The following THADA variants were observed in gnomAD, a reference collection of about 807,000 sequenced individuals.
THADA encodes the protein tRNA (32-2'-O)-methyltransferase regulator THADA.
Under a neutral mutation model 219.8 loss-of-function variants are expected in THADA, and 213 were observed. The ratio of observed to expected loss-of-function variants is 0.97; its 90% CI spans 0.87 to 1.09. The LOEUF is 1.09. THADA is among the 50% of genes least tolerant of loss of function. The pLI, the probability that THADA is intolerant of heterozygous loss-of-function variation, is 0.00. For missense variants in THADA, 2,956 were observed against 2,311.3 expected (o/e 1.28, Z -5.72); for synonymous variants, 1,018 against 828.9 (o/e 1.23, Z -3.92).
chr2:43,322,671 A>ATACTTT (rs1558578381), intron 30 of THADA, among the ~76,000 whole-genome samples: 1 of 79,884 alleles, frequency 1.3e-5, no homozygotes, highest in African/African-American at 4.9e-5. Flanking sequence ...AGCACATTCT[A>ATACTTT]TTCTTTTTTT....
At chr2:43,355,790 A>G (rs1197430561) in intron 29 of THADA, among the ~76,000 whole-genome samples, 3 of 152,230 alleles carry the variant, frequency 2.0e-5, no homozygotes, top group Non-Finnish European at 4.4e-5. Flanking sequence ...TAATGCAATA[A>G]AGGAGAAGGG....
At chr2:43,505,577 A>T (rs1384688491) in intron 24 of THADA, 45 bp downstream of exon 24, 17 of 1,417,684 alleles carry the variant, frequency 1.2e-5, no homozygotes, top group Non-Finnish European at 1.6e-5. Context: ...AAAACAAAAC[A>T]AAACAAAAAA....
chr2:43,467,013 T>A (rs1348687098), intron 26 of THADA, among the ~76,000 whole-genome samples: 5 of 151,448 alleles, frequency 3.3e-5, no homozygotes, highest in African/African-American at 9.7e-5. Context: ...AAACCCCGTC[T>A]CTACTAAAAA....
At chr2:43,586,588 T>C (rs1701052575) in intron 6 of THADA, 114 bp downstream of exon 6, 5 of 1,339,306 alleles carry the variant, frequency 3.7e-6, no homozygotes, top group African/African-American at 2.9e-5. Flanking sequence ...GGTCATGATG[T>C]ACCTAAGTTA....
chr2:43,341,972 A>G (rs929230803), intron 30 of THADA, among the ~76,000 whole-genome samples: 1 of 152,172 alleles, frequency 6.6e-6, no homozygotes, highest in African/African-American at 2.4e-5. Flanking sequence ...GCACTTTGGG[A>G]GGCCGACGCA....
At chr2:43,460,455 G>T (rs1331550154) in intron 26 of THADA, among the ~76,000 whole-genome samples, 1 of 152,016 alleles carries the variant, frequency 6.6e-6, no homozygotes, top group African/African-American at 2.4e-5. Context: ...CCACTACCAA[G>T]TTGAAAAGCC....
chr2:43,255,059 T>C (rs964692272), intron 36 of THADA, among the ~76,000 whole-genome samples: 1 of 152,118 alleles, frequency 6.6e-6, no homozygotes, highest in African/African-American at 2.4e-5. Context: ...ATTTAGTAAG[T>C]TTGGGAAATT....
At chr2:43,445,852 T>C (rs148905139) in intron 26 of THADA, among the ~76,000 whole-genome samples, 2 of 152,282 alleles carry the variant, frequency 1.3e-5, no homozygotes, top group East Asian at 3.9e-4. Context: ...GACGTGTTGT[T>C]TTTCTAATCC....
intron 22 of THADA, among the ~76,000 whole-genome samples, chr2:43,523,524 G>C (rs560852610): frequency 7.9e-5 from 12 of 152,166 alleles, no homozygotes; most frequent in African/African-American, 2.9e-4. Flanking sequence ...TCTCCAGAAA[G>C]GTAGAAGAAA....
At chr2:43,355,841 T>C (rs1033780336) in intron 29 of THADA, among the ~76,000 whole-genome samples, 8 of 152,164 alleles carry the variant, frequency 5.3e-5, no homozygotes, top group Non-Finnish European at 1.2e-4. Flanking sequence ...TAGCCATCGA[T>C]TGATAATGTT....
chr2:43,249,113 T>C (rs1248587108), intron 36 of THADA, among the ~76,000 whole-genome samples: 1 of 152,072 alleles, frequency 6.6e-6, no homozygotes, highest in Non-Finnish European at 1.5e-5. Context: ...AGATGGGGTC[T>C]AACTATGTTG....
At chr2:43,465,587 C>T (rs1295038348) in intron 26 of THADA, among the ~76,000 whole-genome samples, 2 of 152,184 alleles carry the variant, frequency 1.3e-5, no homozygotes, top group African/African-American at 4.8e-5. Context: ...GCAAGCCTGT[C>T]CCAAAGAATA....
chr2:43,567,295 T>G (rs1004463184), intron 14 of THADA, among the ~76,000 whole-genome samples: 2 of 152,156 alleles, frequency 1.3e-5, no homozygotes, highest in African/African-American at 4.8e-5. Flanking sequence ...AATATCCTAG[T>G]TAAGCTACTT....
At chr2:43,479,613 TAA>T (rs527450627) in intron 26 of THADA, among the ~76,000 whole-genome samples, 1 of 144,328 alleles carries the variant, frequency 6.9e-6, no homozygotes, top group African/African-American at 2.5e-5. Context: ...AGATAAATGT[TAA>T]AAAAAAAAAA....
At chr2:43,292,305 A>G (rs1572940989) in intron 32 of THADA, 83 bp from the exon 33 acceptor site, 1 of 894,088 alleles carries the variant, frequency 1.1e-6, no homozygotes. Context: ...AATCAATTGT[A>G]TCAACAAGAG....
intron 36 of THADA, among the ~76,000 whole-genome samples, chr2:43,274,266 G>A (rs186875081): frequency 1.3e-5 from 2 of 152,206 alleles, no homozygotes; most frequent in Non-Finnish European, 2.9e-5. Context: ...GACCCGGACA[G>A]TGTGCGAGTC....
chr2:43,493,428 G>A (rs1322792034), intron 25 of THADA, among the ~76,000 whole-genome samples: 1 of 152,168 alleles, frequency 6.6e-6, no homozygotes, highest in African/African-American at 2.4e-5. Flanking sequence ...CCGGGAGGCA[G>A]AGGTTGCAGT....
chr2:43,243,033 G>C (rs1668774007), intron 36 of THADA, among the ~76,000 whole-genome samples: 1 of 152,196 alleles, frequency 6.6e-6, no homozygotes, highest in Non-Finnish European at 1.5e-5. Flanking sequence ...GAAGTGAGAG[G>C]AGTTGGCGGT....
At chr2:43,509,484 T>G (rs952533213) in intron 22 of THADA, among the ~76,000 whole-genome samples, 1 of 152,206 alleles carries the variant, frequency 6.6e-6, no homozygotes, top group Non-Finnish European at 1.5e-5. Flanking sequence ...ACAATTATCT[T>G]AGCAAGGTAG....
Sources: gnomAD v4.1 joint callset for allele counts (sites outside exome capture counted in the v4.1 genomes callset) on GRCh38, gnomAD v4.1.1 for gene constraint, MANE v1.5 for transcripts, NCBI Gene and HGNC (gene_info 2026-07-23, HGNC 2026-07-21) for gene names.